Variants in KCNAB1 observed in about 807,000 individuals in gnomAD.
KCNAB1 encodes voltage-gated potassium channel subunit beta-1.
A neutral mutation model predicts 64.6 loss-of-function variants in KCNAB1; 35 were observed. That is an observed-to-expected ratio of 0.54 (90% CI 0.41 to 0.72). The LOEUF (loss-of-function observed/expected upper bound fraction) is 0.72, where lower values mean the gene tolerates loss of function less well. Ranked by LOEUF, KCNAB1 falls within the 30% of genes least tolerant of loss-of-function variation. KCNAB1 has a pLI of 0.00. For synonymous variants in KCNAB1, 177 were observed against 183.8 expected (o/e 0.96, Z 0.30); for missense variants, 401 against 512.9 (o/e 0.78, Z 2.11).
chr3:156,195,183 C>G (rs1713835744), intron 1 of KCNAB1, among the ~76,000 whole-genome samples: 1 of 152,244 alleles, frequency 6.6e-6, no homozygotes, highest in East Asian at 1.9e-4. Context: ...TCCAGTTTAT[C>G]ATTGATGGAC....
chr3:156,414,436 A>G (rs1431309171), intron 1 of KCNAB1, among the ~76,000 whole-genome samples: 2 of 152,210 alleles, frequency 1.3e-5, no homozygotes, highest in Admixed American at 1.3e-4. Context: ...GTGTGGGTCA[A>G]TTGCCACAAT....
intron 1 of KCNAB1, among the ~76,000 whole-genome samples, chr3:156,245,376 ACCCTTCC>A (rs1453769153): frequency 4.6e-5 from 7 of 152,170 alleles, no homozygotes; most frequent in Admixed American, 1.3e-4. Context: ...GAAACCACAT[ACCCTTCC>A]CCTAATCATA....
chr3:156,189,385 A>G (rs1157969905), intron 1 of KCNAB1, among the ~76,000 whole-genome samples: 1 of 152,220 alleles, frequency 6.6e-6, no homozygotes, highest in Non-Finnish European at 1.5e-5. Flanking sequence ...GCAGCCACCC[A>G]CTGGCATTGC....
intron 1 of KCNAB1, among the ~76,000 whole-genome samples, chr3:156,321,060 G>A (rs908800613): frequency 1.3e-5 from 2 of 151,988 alleles, no homozygotes; most frequent in African/African-American, 2.4e-5. Context: ...AGAATAGGTC[G>A]GCACAAGTGC....
At position 156,211,641 on chromosome 3, in the gene KCNAB1, T is replaced by C. The variant is rs376171725; in HGVS notation, c.275+90755T>C. ...GCTATCATATTATGCCCCATGAAGA[T>C]GGAAATAGATGATTCAGTAACGGAA... is the stretch of plus-strand genomic sequence containing the variant. On this transcript the variant is annotated intron_variant, in intron 1 of 13. Transcript: ENST00000490337. Among the ~76,000 whole-genome samples the C allele has an allele frequency of 6.4e-4, 98 of 152,340 alleles. 1 individual carries two copies. The highest frequency in any genetic ancestry group is 3.4e-3 in the Middle Eastern group (1 of 294).
chr3:156,470,446 A>G (rs886887399), intron 7 of KCNAB1, among the ~76,000 whole-genome samples: 8 of 152,244 alleles, frequency 5.3e-5, no homozygotes, highest in African/African-American at 1.9e-4. Context: ...GCTTGAGGCC[A>G]GGAGCTTGAG....
intron 2 of KCNAB1, among the ~76,000 whole-genome samples, chr3:156,428,208 G>T (rs906475394): frequency 1.3e-5 from 2 of 152,126 alleles, no homozygotes; most frequent in Non-Finnish European, 2.9e-5. Flanking sequence ...CCTAATGTGG[G>T]TAGCACTTTC....
At chr3:156,225,249 G>T (rs1406473130) in intron 1 of KCNAB1, among the ~76,000 whole-genome samples, 2 of 152,210 alleles carry the variant, frequency 1.3e-5, no homozygotes, top group African/African-American at 4.8e-5. Flanking sequence ...AACCAGGGAT[G>T]CAGGGATGGT....
intron 1 of KCNAB1, among the ~76,000 whole-genome samples, chr3:156,384,314 C>T (rs1023917683): frequency 6.6e-6 from 1 of 152,194 alleles, no homozygotes; most frequent in Non-Finnish European, 1.5e-5. Flanking sequence ...TCAGAAAATA[C>T]TTCTGAGTGA....
chr3:156,389,668 G>T (rs762905510), intron 1 of KCNAB1, among the ~76,000 whole-genome samples: 37 of 152,328 alleles, frequency 2.4e-4, no homozygotes, highest in Non-Finnish European at 1.6e-4. Flanking sequence ...AGGCCTGCCA[G>T]GTGATTTAGA....
At chr3:156,312,882 T>G (rs1168020195) in intron 1 of KCNAB1, among the ~76,000 whole-genome samples, 2 of 152,070 alleles carry the variant, frequency 1.3e-5, no homozygotes, top group Non-Finnish European at 2.9e-5. Flanking sequence ...GCAGGGAAGG[T>G]GTTAACAACT....
chr3:156,409,090 G>A (rs559638148), intron 1 of KCNAB1, among the ~76,000 whole-genome samples: 132 of 152,254 alleles, frequency 8.7e-4, no homozygotes, highest in African/African-American at 3.1e-3. Flanking sequence ...TTTACATAAT[G>A]ATTTTCACTC....
intron 8 of KCNAB1, among the ~76,000 whole-genome samples, chr3:156,513,228 C>T (rs1336150061): frequency 6.6e-6 from 1 of 151,636 alleles, no homozygotes; most frequent in Non-Finnish European, 1.5e-5. Flanking sequence ...AAAACAACAA[C>T]AACAAAAAAG....
At chr3:156,377,422 T>A (rs1711760571) in intron 1 of KCNAB1, among the ~76,000 whole-genome samples, 1 of 151,908 alleles carries the variant, frequency 6.6e-6, no homozygotes, top group Non-Finnish European at 1.5e-5. Flanking sequence ...CGTGGAAAAC[T>A]GGGGAAGAAT....
At chr3:156,538,686 G>A (rs1719245001), downstream of KCNAB1, 1 of 152,200 alleles carries the variant, frequency 6.6e-6, no homozygotes, top group East Asian at 1.9e-4. Flanking sequence ...TAAAATATAT[G>A]TGGCCATAAA....
intron 1 of KCNAB1, among the ~76,000 whole-genome samples, chr3:156,308,776 T>A (rs1721682588): frequency 6.6e-6 from 1 of 152,256 alleles, no homozygotes; most frequent in African/African-American, 2.4e-5. Context: ...TCTGGCACTT[T>A]AGTTTTATCA....
chr3:156,163,758 G>T (rs1577659031), intron 1 of KCNAB1, among the ~76,000 whole-genome samples: 2 of 152,254 alleles, frequency 1.3e-5, no homozygotes, highest in South Asian at 4.1e-4. Context: ...CTTTTGCTGG[G>T]TGTAAACACA....
At chr3:156,409,073 C>A (rs1714456596) in intron 1 of KCNAB1, among the ~76,000 whole-genome samples, 1 of 152,278 alleles carries the variant, frequency 6.6e-6, no homozygotes, top group Non-Finnish European at 1.5e-5. Context: ...GTGTAGGAAG[C>A]ACCTACTTTA....
Position 156,140,912 on chromosome 3 carries a change from G to A in KCNAB1, c.275+20026G>A, listed in dbSNP as rs144534625. ...TGCGCGTGTGTGAAGATTCATGTCA[G>A]CAGAGATGTAAGATGTGATGGCAGG... On this transcript the variant is annotated intron_variant, in intron 1 of 13. Transcript: ENST00000490337. 4.3e-3 allele frequency among the ~76,000 whole-genome samples: 661 copies of A among 152,256 alleles called. 4 individuals carry two copies. Among genetic ancestry groups the A allele is most frequent in the African/African-American group, 0.015 (628 of 41,550 alleles).
Sources: gnomAD v4.1 joint callset for allele counts (sites outside exome capture counted in the v4.1 genomes callset) on GRCh38, gnomAD v4.1.1 for gene constraint, MANE v1.5 for transcripts, NCBI Gene and HGNC (gene_info 2026-07-23, HGNC 2026-07-21) for gene names.